Variants in SETMAR observed in about 807,000 individuals in gnomAD.
SETMAR encodes SET and mariner transposase domain methyltransferase.
A neutral mutation model predicts 58.4 loss-of-function variants in SETMAR; 44 were observed. The ratio of observed to expected loss-of-function variants is 0.75; its 90% CI spans 0.59 to 0.97. The LOEUF (loss-of-function observed/expected upper bound fraction) is 0.97, where lower values mean the gene tolerates loss of function less well. Among genes scored for constraint, SETMAR ranks in the 50% least tolerant of loss-of-function variants. The probability of loss-of-function intolerance (pLI) is 0.00; values close to 1 mark genes in which losing one functional copy is unlikely to be tolerated. For synonymous variants in SETMAR, 332 were observed against 307.4 expected, an observed-to-expected ratio of 1.08 and a Z score of -0.84; for missense variants, 903 against 840.2, an observed-to-expected ratio of 1.07 and a Z score of -0.92.
At chr3:4,303,931 T>TGGCTCA in intron 1 of SETMAR, 1 of 1,159,646 alleles carries the variant, frequency 8.6e-7, no homozygotes, top group Non-Finnish European at 1.1e-6. Flanking sequence ...AAACAGCCCC[T>TGGCTCA]CGAGTCAGCC....
intron 1 of SETMAR, among the ~76,000 whole-genome samples, chr3:4,311,817 G>T (rs1053233795): frequency 3.3e-5 from 5 of 152,096 alleles, no homozygotes; most frequent in African/African-American, 7.2e-5. Flanking sequence ...AATAAAGCAG[G>T]TATAAAATGG....
chr3:4,316,193 C>T lies in SETMAR; in HGVS notation c.1021-19C>T, dbSNP rs138297401. On this transcript the variant is annotated intron_variant, in intron 2 of 2. Coordinates refer to ENST00000358065, the MANE Select transcript of SETMAR (RefSeq NM_006515.4). ...TTTTTTGCTAATGACATCTTACTTGCTGTTTATGTTTATTTTAGACTATGA... is the reference window on the plus strand; with the variant it reads ...TTTTTTGCTAATGACATCTTACTTGTTGTTTATGTTTATTTTAGACTATGA... 1.0e-3 allele frequency: 685 copies of T among 666,864 alleles called. 8 individuals are homozygous for T. The African/African-American group carries it at 0.011, about 10-fold the overall frequency. 41.3% of individuals were successfully genotyped at this position (666,864 alleles called of 1,614,324 possible).
chr3:4,309,387 T>C (rs1489680896), intron 1 of SETMAR, among the ~76,000 whole-genome samples: 1 of 152,192 alleles, frequency 6.6e-6, no homozygotes, highest in African/African-American at 2.4e-5. Context: ...TCAGGGGATT[T>C]AGAATTTTAT....
At chr3:4,303,778 A>G (rs776646989) in intron 1 of SETMAR, 1 of 1,443,882 alleles carries the variant, frequency 6.9e-7, no homozygotes, top group South Asian at 1.2e-5. Context: ...CCTTGTGAGA[A>G]CCTGGCTTTT....
intron 1 of SETMAR, among the ~76,000 whole-genome samples, chr3:4,311,778 G>A (rs1043138432): frequency 2.6e-5 from 4 of 152,070 alleles, no homozygotes; most frequent in Admixed American, 2.6e-4. Flanking sequence ...TATCTTACCT[G>A]TTTATAAGTC....
chr3:4,313,881 T>A lies in SETMAR; in HGVS notation c.1020+120T>A, dbSNP rs771456286. ...CAGGAATGTGGCAGAGACTGCAAGT[T>A]GTCCATCAGTATCCTTTCCCCTTTC... On this transcript the variant is annotated intron_variant, in intron 2 of 2. Transcript: ENST00000358065. The A allele has an allele frequency of 2.6e-5, 40 of 1,509,984 alleles. No homozygotes were observed. In the South Asian group the frequency reaches 5.2e-4, roughly 20 times the overall value. The allele number at this position is 1,509,984 out of a possible 1,614,324, so 93.5% of individuals were successfully genotyped here.
chr3:4,316,129 G>T, intron 2 of SETMAR, 83 bp from the exon 3 acceptor site: 1 of 571,824 alleles, frequency 1.7e-6, no homozygotes, highest in Non-Finnish European at 3.1e-6. Context: ...CTTAAATGTG[G>T]TCATGTTATA....
Position 4,312,881 on chromosome 3 carries a change from G to T in SETMAR, c.157-17G>T, listed in dbSNP as rs951937195. On this transcript the variant is annotated splice_polypyrimidine_tract_variant and intron_variant, in intron 1 of 2. Coordinates refer to ENST00000358065, the MANE Select transcript of SETMAR (RefSeq NM_006515.4). Reference sequence around the variant, plus strand: ...ATGACATGCCGTGCTGACTTACAGTGTGTATATTTTTTACAGTACACTCCT... The same window carrying T: ...ATGACATGCCGTGCTGACTTACAGTTTGTATATTTTTTACAGTACACTCCT... 3.8e-6 allele frequency: 6 copies of T among 1,595,032 alleles called. No individual in the cohort carries two copies. The African/African-American group carries it at 8.1e-5, about 21-fold the overall frequency.
Position 4,303,428 on chromosome 3 carries a change from A to C in SETMAR, c.58A>C (p.Lys20Gln). 1 of 1,553,988 alleles carries C rather than the reference A, an allele frequency of 6.4e-7. No individual in the cohort carries two copies. Among genetic ancestry groups the C allele is most frequent in the Non-Finnish European group, 8.7e-7 (1 of 1,155,368 alleles). The stretch of plus-strand genomic sequence containing the variant: ...TTGTGGGATGGCGGAGTTTAAGGAG[A>C]AGCCTGAGGCCCCGACTGAGCAGCT... ...RPCGMAEFKE[K>Q]PEAPTEQLDV... Residue 20 changes from lysine to glutamine, a missense_variant, in exon 1 of 3, where the codon AAG (lysine) becomes CAG (glutamine). By Grantham distance (53) the Lys-to-Gln change is moderately conservative (BLOSUM62 1). Coordinates refer to ENST00000358065, the MANE Select transcript of SETMAR (RefSeq NM_006515.4).
At position 4,311,681 on chromosome 3, in the gene SETMAR, T is replaced by C. The variant is rs1465209535; in HGVS notation, c.157-1217T>C. On this transcript the variant is annotated intron_variant, in intron 1 of 2. Transcript: ENST00000358065. ...CTCTCAGGCAGAGCCAAATATCCAG[T>C]CTACTTCTACCACATACTGTGTGTC... Among the ~76,000 whole-genome samples the C allele has an allele frequency of 3.3e-5, 5 of 152,330 alleles. No individual in the cohort carries two copies. In the East Asian group the frequency reaches 9.6e-4, roughly 29 times the overall value.
chr3:4,304,740 C>T (rs940746752), intron 1 of SETMAR, among the ~76,000 whole-genome samples: 2 of 152,090 alleles, frequency 1.3e-5, no homozygotes, highest in Non-Finnish European at 2.9e-5. Flanking sequence ...TAGCAGCTTT[C>T]AAAGATGTCA....
At chr3:4,313,782 G>A in intron 2 of SETMAR, 21 bp downstream of exon 2, 1 of 1,613,728 alleles carries the variant, frequency 6.2e-7, no homozygotes, top group South Asian at 1.1e-5. Context: ...TCAGTGATAA[G>A]CAGCTTGCCC....
At chr3:4,303,919 A>C in intron 1 of SETMAR, 1 of 1,200,386 alleles carries the variant, frequency 8.3e-7, no homozygotes, top group Non-Finnish European at 1.1e-6. Flanking sequence ...TGTCGTGCAT[A>C]AAAACAGCCC....
At chr3:4,305,988 T>C (rs1270206808) in intron 1 of SETMAR, among the ~76,000 whole-genome samples, 2 of 152,242 alleles carry the variant, frequency 1.3e-5, no homozygotes, top group Non-Finnish European at 2.9e-5. Flanking sequence ...AAAAAACCAC[T>C]GTTCTAGTCC....
chr3:4,315,230 C>T (rs954148140), intron 2 of SETMAR, among the ~76,000 whole-genome samples: 1 of 152,206 alleles, frequency 6.6e-6, no homozygotes, highest in Non-Finnish European at 1.5e-5. Flanking sequence ...AATAAGGCAG[C>T]TTGTATCCCT....
chr3:4,310,618 T>G (rs887771261), intron 1 of SETMAR, among the ~76,000 whole-genome samples: 2 of 152,230 alleles, frequency 1.3e-5, no homozygotes, highest in African/African-American at 4.8e-5. Flanking sequence ...GGATTATAGC[T>G]TGTGCAGCAA....
At chr3:4,305,376 G>A (rs1575070762) in intron 1 of SETMAR, among the ~76,000 whole-genome samples, 1 of 152,100 alleles carries the variant, frequency 6.6e-6, no homozygotes, top group Admixed American at 6.5e-5. Context: ...GTGAGCCACC[G>A]CACCCGGCCA....
At chr3:4,303,608 C>G (rs1698044871) in intron 1 of SETMAR, 82 bp downstream of exon 1, 1 of 1,375,808 alleles carries the variant, frequency 7.3e-7, no homozygotes, top group Non-Finnish European at 9.4e-7. Context: ...CTGGGACGGC[C>G]TCCCAGTCGC....
chr3:4,306,601 C>T (rs922217574), intron 1 of SETMAR, among the ~76,000 whole-genome samples: 27 of 152,140 alleles, frequency 1.8e-4, no homozygotes, highest in African/African-American at 6.0e-4. Flanking sequence ...GTCTTTCTTA[C>T]CAAGAAGATC....
Sources: gnomAD v4.1 joint callset for allele counts (sites outside exome capture counted in the v4.1 genomes callset) on GRCh38, gnomAD v4.1.1 for gene constraint, MANE v1.5 for transcripts, NCBI Gene and HGNC (gene_info 2026-07-23, HGNC 2026-07-21) for gene names.